Variants in SUGCT observed in about 807,000 individuals in gnomAD.
SUGCT encodes succinyl-CoA:glutarate-CoA transferase.
A neutral mutation model predicts 55.0 loss-of-function variants in SUGCT; 41 were observed. The ratio of observed to expected loss-of-function variants is 0.74; its 90% CI spans 0.58 to 0.97. The LOEUF (loss-of-function observed/expected upper bound fraction) is 0.97. Ranked by LOEUF, SUGCT falls within the 50% of genes least tolerant of loss-of-function variation. SUGCT has a pLI of 0.00. For missense variants in SUGCT, 568 were observed against 547.8 expected (o/e 1.04, Z -0.37); for synonymous variants, 187 against 200.4 (o/e 0.93, Z 0.56).
the SUGCT span, among the ~76,000 whole-genome samples, chr7:41,018,430 A>G: frequency 6.6e-6 from 1 of 152,192 alleles, no homozygotes; most frequent in Non-Finnish European, 1.5e-5. Context: ...AAGGTGAGGA[A>G]GCATGGCAGG....
chr7:40,586,433 T>C (rs1464140545), intron 12 of SUGCT, among the ~76,000 whole-genome samples: 1 of 152,138 alleles, frequency 6.6e-6, no homozygotes, highest in East Asian at 1.9e-4. Flanking sequence ...TGATGCATGC[T>C]CTAAGAATGT....
intron 12 of SUGCT, among the ~76,000 whole-genome samples, chr7:40,524,964 A>G (rs1349068931): frequency 6.6e-6 from 1 of 152,124 alleles, no homozygotes; most frequent in Non-Finnish European, 1.5e-5. Context: ...TCCTTCATTA[A>G]TATGTTTATC....
intron 6 of SUGCT, among the ~76,000 whole-genome samples, chr7:40,205,283 G>A (rs34960564): frequency 0.53 from 79,701 of 151,676 alleles, 21,547 homozygotes; most frequent in Middle Eastern, 0.66. Flanking sequence ...AAATAAAAAG[G>A]GAAAAGGAAA....
At chr7:40,602,409 C>T (rs544861378) in intron 12 of SUGCT, among the ~76,000 whole-genome samples, 66 of 152,254 alleles carry the variant, frequency 4.3e-4, no homozygotes, top group Middle Eastern at 3.4e-3. Context: ...TACAGCCCTT[C>T]GTATTTATTG....
intron 12 of SUGCT, among the ~76,000 whole-genome samples, chr7:40,670,891 A>G (rs906418110): frequency 7.2e-5 from 11 of 152,208 alleles, no homozygotes; most frequent in African/African-American, 2.7e-4. Context: ...TCTAGAAATT[A>G]AAAGAGGACA....
the SUGCT span, among the ~76,000 whole-genome samples, chr7:41,019,541 T>G: frequency 6.6e-6 from 1 of 152,246 alleles, no homozygotes. Flanking sequence ...GTTTTTATGG[T>G]CTTTATTATT....
At chr7:40,267,961 TA>T (rs1791716837) in intron 7 of SUGCT, among the ~76,000 whole-genome samples, 1 of 152,136 alleles carries the variant, frequency 6.6e-6, no homozygotes, top group African/African-American at 2.4e-5. Flanking sequence ...AATAAAACAA[TA>T]GCCTTGAATG....
the SUGCT span, among the ~76,000 whole-genome samples, chr7:41,032,855 C>T: frequency 2.1e-3 from 313 of 152,294 alleles, no homozygotes; most frequent in African/African-American, 7.4e-3. Flanking sequence ...CCTCTGCCTC[C>T]CGGGTTCAAG....
At chr7:40,164,660 A>G (rs925516439) in intron 1 of SUGCT, among the ~76,000 whole-genome samples, 1 of 152,216 alleles carries the variant, frequency 6.6e-6, no homozygotes, top group Non-Finnish European at 1.5e-5. Flanking sequence ...AGAAAAAGAA[A>G]TCTAATTAAA....
chr7:40,606,411 AG>A (rs1177832176), intron 12 of SUGCT, among the ~76,000 whole-genome samples: 1 of 152,196 alleles, frequency 6.6e-6, no homozygotes, highest in Non-Finnish European at 1.5e-5. Context: ...AGATGGAAAC[AG>A]GGTCTTCAGC....
intron 12 of SUGCT, among the ~76,000 whole-genome samples, chr7:40,601,380 A>G (rs912397835): frequency 5.9e-5 from 9 of 152,350 alleles, no homozygotes; most frequent in African/African-American, 2.2e-4. Context: ...TGTAACCGTC[A>G]AGAACACATG....
intron 9 of SUGCT, among the ~76,000 whole-genome samples, chr7:40,439,093 T>TG (rs1666173367): frequency 7.9e-6 from 1 of 126,166 alleles, no homozygotes; most frequent in African/African-American, 3.4e-5. Flanking sequence ...TATATATATA[T>TG]ATATATATAT....
At chr7:40,830,356 C>T (rs144358184) in intron 13 of SUGCT, among the ~76,000 whole-genome samples, 14 of 152,286 alleles carry the variant, frequency 9.2e-5, no homozygotes, top group African/African-American at 3.4e-4. Context: ...ATTGGTCCTG[C>T]CCTCCCCTGT....
In SUGCT at chr7:40,146,439, G is replaced by A. The variant is rs112972826; in HGVS notation, c.100+11319G>A. 4.1e-3 allele frequency among the ~76,000 whole-genome samples: 629 copies of A among 152,296 alleles called. 7 individuals carry two copies. The highest frequency in any genetic ancestry group is 0.013 in the African/African-American group (553 of 41,562). On this transcript the variant is annotated intron_variant, in intron 1 of 13. Coordinates refer to ENST00000335693, the MANE Select transcript of SUGCT (RefSeq NM_001193313.2). ...TAGAGTGTGGAGTGGGAAATTAGGG[G>A]TCTCACAGCCTTCAGCGCTGAGAGC...
At chr7:40,884,317 T>C in the SUGCT span, among the ~76,000 whole-genome samples, 2 of 152,228 alleles carry the variant, frequency 1.3e-5, no homozygotes, top group African/African-American at 2.4e-5. Context: ...AATGCTTTGC[T>C]CATGATTGAA....
chr7:40,996,121 G>A, the SUGCT span, among the ~76,000 whole-genome samples: 1 of 152,202 alleles, frequency 6.6e-6, no homozygotes, highest in Non-Finnish European at 1.5e-5. Flanking sequence ...TTTTTGGAAT[G>A]AATGCATGGA....
intron 12 of SUGCT, among the ~76,000 whole-genome samples, chr7:40,594,959 A>G (rs1197853449): frequency 6.6e-6 from 1 of 152,202 alleles, no homozygotes; most frequent in Non-Finnish European, 1.5e-5. Context: ...TTTATGGGCA[A>G]AGTCTCCTTT....
intron 9 of SUGCT, among the ~76,000 whole-genome samples, chr7:40,348,362 G>T (rs552024580): frequency 7.2e-5 from 11 of 151,874 alleles, no homozygotes; most frequent in African/African-American, 2.7e-4. Flanking sequence ...AAATGGTAAG[G>T]GTTTACAAAA....
intron 6 of SUGCT, among the ~76,000 whole-genome samples, chr7:40,233,743 A>G (rs1031509362): frequency 9.8e-5 from 15 of 152,304 alleles, no homozygotes; most frequent in Non-Finnish European, 1.3e-4. Context: ...GTAATTATGT[A>G]TATTTAGCTC....
Sources: allele counts gnomAD v4.1 joint callset (sites outside exome capture counted in the v4.1 genomes callset), GRCh38; gene constraint gnomAD v4.1.1; transcripts MANE v1.5; gene names NCBI Gene and HGNC (gene_info 2026-07-23, HGNC 2026-07-21).